Variants in BTBD9 observed in about 807,000 individuals in gnomAD.
BTBD9 encodes BTB domain containing 9.
A neutral mutation model predicts 64.3 loss-of-function variants in BTBD9; 49 were observed. The ratio of observed to expected loss-of-function variants is 0.76; its 90% CI spans 0.61 to 0.97. The LOEUF (loss-of-function observed/expected upper bound fraction) is 0.97, where lower values mean the gene tolerates loss of function less well. Ranked by LOEUF, BTBD9 falls within the 50% of genes least tolerant of loss-of-function variation. The pLI, the probability that BTBD9 is intolerant of heterozygous loss-of-function variation, is 0.00. For missense variants in BTBD9, 598 were observed against 762.1 expected (o/e 0.78, Z 2.53); for synonymous variants, 260 against 274.7 (o/e 0.95, Z 0.53).
At chr6:38,195,803 G>C (rs1289800925) in intron 9 of BTBD9, among the ~76,000 whole-genome samples, 1 of 151,974 alleles carries the variant, frequency 6.6e-6, no homozygotes, top group African/African-American at 2.4e-5. Context: ...CACATGTGCA[G>C]AACTATACAC....
At chr6:38,298,507 T>A (rs1315759851) in intron 7 of BTBD9, among the ~76,000 whole-genome samples, 1 of 152,062 alleles carries the variant, frequency 6.6e-6, no homozygotes, top group Non-Finnish European at 1.5e-5. Flanking sequence ...ACTGAAAACA[T>A]CTCATGTCCT....
intron 8 of BTBD9, among the ~76,000 whole-genome samples, chr6:38,261,634 A>G (rs1191341990): frequency 6.6e-6 from 1 of 152,200 alleles, no homozygotes; most frequent in African/African-American, 2.4e-5. Flanking sequence ...TCCACTGCCT[A>G]TCATAGTTTG....
At chr6:38,440,771 A>T (rs926134716) in intron 6 of BTBD9, among the ~76,000 whole-genome samples, 1 of 152,220 alleles carries the variant, frequency 6.6e-6, no homozygotes, top group Non-Finnish European at 1.5e-5. Flanking sequence ...CTTCTGTACC[A>T]CATATACTAA....
chr6:38,609,561 TC>T (rs1777542335), intron 1 of BTBD9, among the ~76,000 whole-genome samples: 1 of 152,040 alleles, frequency 6.6e-6, no homozygotes, highest in Non-Finnish European at 1.5e-5. Flanking sequence ...GAGAATAAAA[TC>T]CAATTAAAAA....
chr6:38,175,032 AG>A lies in BTBD9; in HGVS notation c.1791del (p.Ser598ProfsTer150). Reference protein sequence around the residue: ...ALRAPSGSSLPSSPGSNSRSP... With the variant: ...ALRAPSGSSLXSSPGSNSRSP... ...GAGCGTGAGTTGGAGCCTGGGCTGG[AG>A]GGTAGTGAGCTGCCACTAGGCGCCC... On this transcript the variant is annotated frameshift_variant, in exon 11 of 11. Coordinates refer to ENST00000481247, the MANE Select transcript of BTBD9 (RefSeq NM_001099272.2). LOFTEE classifies it high-confidence loss of function. The A allele has an allele frequency of 6.2e-7, 1 of 1,614,020 alleles. No individual in the cohort carries two copies. The highest frequency in any genetic ancestry group is 8.5e-7 in the Non-Finnish European group (1 of 1,180,006).
intron 6 of BTBD9, among the ~76,000 whole-genome samples, chr6:38,385,634 A>G (rs1766126514): frequency 6.6e-6 from 1 of 152,204 alleles, no homozygotes; most frequent in Non-Finnish European, 1.5e-5. Flanking sequence ...TTAAACCTAG[A>G]GTGCTCAAAT....
At chr6:38,243,186 A>G (rs974037635) in intron 9 of BTBD9, among the ~76,000 whole-genome samples, 1 of 152,234 alleles carries the variant, frequency 6.6e-6, no homozygotes, top group South Asian at 2.1e-4. Context: ...TAAAGAGAGA[A>G]TTACAGAAAT....
intron 6 of BTBD9, among the ~76,000 whole-genome samples, chr6:38,444,320 A>G (rs542765744): frequency 3.9e-5 from 6 of 152,300 alleles, no homozygotes; most frequent in East Asian, 3.9e-4. Context: ...GGCGTGCTTG[A>G]TAAGTATTTT....
At chr6:38,452,548 A>G (rs1769606068) in intron 6 of BTBD9, among the ~76,000 whole-genome samples, 1 of 152,072 alleles carries the variant, frequency 6.6e-6, no homozygotes, top group Non-Finnish European at 1.5e-5. Flanking sequence ...AATGCTCTGC[A>G]TTAGGATGCT....
At chr6:38,286,152 G>A (rs375714844) in intron 8 of BTBD9, among the ~76,000 whole-genome samples, 24 of 152,114 alleles carry the variant, frequency 1.6e-4, no homozygotes, top group African/African-American at 5.6e-4. Flanking sequence ...CTCTATCTGT[G>A]ATTTGTTGCC....
chr6:38,386,021 T>C (rs1766151969), intron 6 of BTBD9, among the ~76,000 whole-genome samples: 1 of 152,100 alleles, frequency 6.6e-6, no homozygotes, highest in Admixed American at 6.6e-5. Context: ...AAAAAACTCC[T>C]GGCCTCAAGT....
intron 6 of BTBD9, among the ~76,000 whole-genome samples, chr6:38,464,392 A>C (rs1443945139): frequency 6.6e-6 from 1 of 152,094 alleles, no homozygotes; most frequent in African/African-American, 2.4e-5. Flanking sequence ...GAAAAAAAAA[A>C]ACCCACTTGA....
At chr6:38,492,312 A>G (rs2127392249) in intron 6 of BTBD9, among the ~76,000 whole-genome samples, 1 of 152,366 alleles carries the variant, frequency 6.6e-6, no homozygotes, top group African/African-American at 2.4e-5. Flanking sequence ...GCTCAGCCCT[A>G]GCTTTAGCCC....
intron 1 of BTBD9, among the ~76,000 whole-genome samples, chr6:38,605,782 C>T (rs1777412507): frequency 6.6e-6 from 1 of 152,170 alleles, no homozygotes; most frequent in Admixed American, 6.5e-5. Context: ...CATGCCACTG[C>T]ACTCCAGCCT....
At chr6:38,548,338 T>A (rs1028870875) in intron 6 of BTBD9, among the ~76,000 whole-genome samples, 3 of 152,226 alleles carry the variant, frequency 2.0e-5, no homozygotes, top group African/African-American at 7.2e-5. Flanking sequence ...GCCATTGGAA[T>A]CATCTCTCTT....
intron 8 of BTBD9, among the ~76,000 whole-genome samples, chr6:38,273,011 G>T (rs984594755): frequency 3.9e-5 from 6 of 152,156 alleles, no homozygotes; most frequent in Admixed American, 2.6e-4. Flanking sequence ...GAAAGTTCCA[G>T]CAAATGAGAA....
chr6:38,289,981 T>C, intron 7 of BTBD9, among the ~76,000 whole-genome samples: 1 of 152,144 alleles, frequency 6.6e-6, no homozygotes, highest in African/African-American at 2.4e-5. Flanking sequence ...TCAAGGTTTG[T>C]AGCTTACATC....
At chr6:38,491,460 A>G (rs1027475661) in intron 6 of BTBD9, among the ~76,000 whole-genome samples, 2 of 152,178 alleles carry the variant, frequency 1.3e-5, no homozygotes, top group African/African-American at 4.8e-5. Flanking sequence ...GTATTTAACA[A>G]TTATTTTTTC....
At chr6:38,408,678 C>A (rs1331635200) in intron 6 of BTBD9, among the ~76,000 whole-genome samples, 1 of 152,146 alleles carries the variant, frequency 6.6e-6, no homozygotes, top group African/African-American at 2.4e-5. Flanking sequence ...TAAACAGTTG[C>A]TGTGTAGAAT....
Sources: gnomAD v4.1 joint callset for allele counts (sites outside exome capture counted in the v4.1 genomes callset) on GRCh38, gnomAD v4.1.1 for gene constraint, MANE v1.5 for transcripts, NCBI Gene and HGNC (gene_info 2026-07-23, HGNC 2026-07-21) for gene names.